The following TOP6BL variants were observed in gnomAD, a reference collection of about 807,000 sequenced individuals.
TOP6BL encodes type 2 DNA topoisomerase 6 subunit B-like.
the TOP6BL span, among the ~76,000 whole-genome samples, chr11:66,830,638 A>G: frequency 2.0e-5 from 3 of 152,228 alleles, no homozygotes; most frequent in Non-Finnish European, 4.4e-5. Context: ...ATTGATAAAC[A>G]TTTAGCCAGA....
chr11:66,753,698 G>A, the TOP6BL span, among the ~76,000 whole-genome samples: 3 of 151,200 alleles, frequency 2.0e-5, no homozygotes, highest in Non-Finnish European at 4.4e-5. Flanking sequence ...GAGCCACCGC[G>A]CCCGGCCATG....
At chr11:66,837,901 G>A in the TOP6BL span, among the ~76,000 whole-genome samples, 1 of 152,132 alleles carries the variant, frequency 6.6e-6, no homozygotes, top group South Asian at 2.1e-4. Flanking sequence ...GGAGGCTACC[G>A]ATGACTACAG....
At chr11:66,813,991 A>G in the TOP6BL span, 2 of 1,613,558 alleles carry the variant, frequency 1.2e-6, no homozygotes, top group Non-Finnish European at 1.7e-6. Context: ...TATGATACCC[A>G]ATTTGGATCT....
the TOP6BL span, chr11:66,744,826 G>A: frequency 7.6e-7 from 1 of 1,315,232 alleles, no homozygotes; most frequent in African/African-American, 1.5e-5. Flanking sequence ...AGGGGGCGGC[G>A]GCGGCGGCGG....
At chr11:66,813,794 T>G in the TOP6BL span, 1 of 1,441,084 alleles carries the variant, frequency 6.9e-7, no homozygotes, top group South Asian at 1.2e-5. Flanking sequence ...GTCAGTGTTG[T>G]TTGTTTGTTA....
chr11:66,810,918 G>A, the TOP6BL span, among the ~76,000 whole-genome samples: 1 of 151,916 alleles, frequency 6.6e-6, no homozygotes, highest in Non-Finnish European at 1.5e-5. Context: ...ACACATTCCT[G>A]AATTAGGCCA....
At chr11:66,778,012 T>C in the TOP6BL span, among the ~76,000 whole-genome samples, 2 of 152,292 alleles carry the variant, frequency 1.3e-5, no homozygotes, top group East Asian at 3.9e-4. Flanking sequence ...AAAGTTTTAA[T>C]TATATTTCTC....
chr11:66,755,150 C>T, the TOP6BL span, among the ~76,000 whole-genome samples: 127 of 147,832 alleles, frequency 8.6e-4, 2 homozygotes, highest in East Asian at 0.024. Flanking sequence ...TATAGAGTCT[C>T]ACTCTGTTGC....
At chr11:66,751,673 A>G in the TOP6BL span, among the ~76,000 whole-genome samples, 11 of 152,116 alleles carry the variant, frequency 7.2e-5, no homozygotes, top group South Asian at 2.1e-3. Context: ...TTTTATAGGC[A>G]TTTATTGATT....
chr11:66,836,421 G>C, the TOP6BL span, among the ~76,000 whole-genome samples: 1 of 151,856 alleles, frequency 6.6e-6, no homozygotes, highest in Admixed American at 6.6e-5. Context: ...ATGTTAGCCA[G>C]GATGGTCTCA....
the TOP6BL span, among the ~76,000 whole-genome samples, chr11:66,784,508 AAAAG>A: frequency 1.3e-5 from 2 of 152,216 alleles, no homozygotes; most frequent in Non-Finnish European, 2.9e-5. Flanking sequence ...TTCATCCAGA[AAAAG>A]AAACCGTGTA....
the TOP6BL span, chr11:66,842,842 C>T: frequency 6.4e-7 from 1 of 1,555,080 alleles, no homozygotes; most frequent in Non-Finnish European, 8.7e-7. Context: ...GCTTGTTTTT[C>T]TCCTAGATAC....
the TOP6BL span, among the ~76,000 whole-genome samples, chr11:66,778,876 G>T: frequency 6.6e-6 from 1 of 152,156 alleles, no homozygotes; most frequent in African/African-American, 2.4e-5. Context: ...ACAACTATCT[G>T]ATCTTTGACA....
chr11:66,813,034 TG>T, the TOP6BL span, among the ~76,000 whole-genome samples: 1 of 152,212 alleles, frequency 6.6e-6, no homozygotes, highest in Non-Finnish European at 1.5e-5. Flanking sequence ...TGCCTTCCTT[TG>T]TTTTAGATAA....
chr11:66,832,028 A>G, the TOP6BL span, among the ~76,000 whole-genome samples: 1 of 148,492 alleles, frequency 6.7e-6, no homozygotes, highest in African/African-American at 2.5e-5. Flanking sequence ...AAAAAATTGT[A>G]CATTTTCTAT....
the TOP6BL span, among the ~76,000 whole-genome samples, chr11:66,783,760 TTCATATA>T: frequency 6.6e-6 from 1 of 152,202 alleles, no homozygotes; most frequent in East Asian, 1.9e-4. Flanking sequence ...TGATATAAAA[TTCATATA>T]TCATAAACAC....
chr11:66,763,124 C>T, the TOP6BL span, among the ~76,000 whole-genome samples: 1 of 152,162 alleles, frequency 6.6e-6, no homozygotes, highest in Non-Finnish European at 1.5e-5. Context: ...TTGCCTGTGC[C>T]CAGGCATTTG....
At chr11:66,834,319 C>A in the TOP6BL span, among the ~76,000 whole-genome samples, 1 of 152,154 alleles carries the variant, frequency 6.6e-6, no homozygotes, top group South Asian at 2.1e-4. Context: ...GACTAGGTTG[C>A]AAGCCCAGGG....
chr11:66,817,825 G>A, the TOP6BL span, among the ~76,000 whole-genome samples: 2 of 152,118 alleles, frequency 1.3e-5, no homozygotes, highest in Admixed American at 1.3e-4. Context: ...GGGATTACAG[G>A]CATGAGCAAT....
Sources: allele counts gnomAD v4.1 joint callset (sites outside exome capture counted in the v4.1 genomes callset), GRCh38; gene constraint gnomAD v4.1.1; transcripts MANE v1.5; gene names NCBI Gene and HGNC (gene_info 2026-07-23, HGNC 2026-07-21).